UNC93A: variants seen among roughly 807,000 people sequenced by gnomAD.
UNC93A encodes N-acetylglucosamine transporter UNC93A.
Under a neutral mutation model 47.5 loss-of-function variants are expected in UNC93A, and 43 were observed. That is an observed-to-expected ratio of 0.91 (90% CI 0.71 to 1.17). The LOEUF (loss-of-function observed/expected upper bound fraction) is 1.17, where lower values mean the gene tolerates loss of function less well. Ranked by LOEUF, UNC93A falls within the 50% of genes most tolerant of loss-of-function variation. UNC93A has a pLI of 0.00. For missense variants in UNC93A, 605 were observed against 577.6 expected (o/e 1.05, Z -0.49); for synonymous variants, 280 against 258.0 (o/e 1.09, Z -0.82).
chr6:167,308,651 G>A (rs1778470951), intron 7 of UNC93A, among the ~76,000 whole-genome samples: 1 of 151,722 alleles, frequency 6.6e-6, no homozygotes, highest in Admixed American at 6.6e-5. Flanking sequence ...TGGGGGGAGT[G>A]CAGAGGAGTG....
intron 5 of UNC93A, among the ~76,000 whole-genome samples, 200 bp downstream of exon 5, chr6:167,304,333 A>G (rs998642723): frequency 1.3e-5 from 2 of 152,156 alleles, no homozygotes; most frequent in Non-Finnish European, 2.9e-5. Flanking sequence ...CTTCCAACTC[A>G]CAGGAGCTTC....
rs148794043 is a variant in UNC93A, at chr6:167,281,010, C to T, written c.-52+9552C>T. Among the ~76,000 whole-genome samples, 626 of 152,264 alleles carry T rather than the reference C, an allele frequency of 4.1e-3. 8 individuals are homozygous for T. The highest frequency in any genetic ancestry group is 0.015 in the African/African-American group (603 of 41,546). On this transcript the variant is annotated intron_variant, in intron 1 of 3. Transcript: ENST00000503433. ...CAAACAAGCAAATCAACCTATTTTTCAGAGGTTCCTTCTGAAGTTGAAATT... is the reference window on the plus strand; with the variant it reads ...CAAACAAGCAAATCAACCTATTTTTTAGAGGTTCCTTCTGAAGTTGAAATT...
intron 6 of UNC93A, 44 bp downstream of exon 6, chr6:167,306,094 G>A: frequency 6.2e-7 from 1 of 1,608,930 alleles, no homozygotes; most frequent in Non-Finnish European, 8.5e-7. Flanking sequence ...ATAACGATTT[G>A]CAGTAGCAAA....
chr6:167,289,727 A>T (rs1345174693), upstream of UNC93A, among the ~76,000 whole-genome samples: 6 of 151,592 alleles, frequency 4.0e-5, no homozygotes, highest in Non-Finnish European at 7.4e-5. Context: ...GCAATAAAAC[A>T]TCAGGAAGGT....
chr6:167,294,471 G>A (rs747851369), intron 1 of UNC93A, 46 bp from the exon 2 acceptor site: 184 of 1,603,932 alleles, frequency 1.1e-4, no homozygotes, highest in Middle Eastern at 1.7e-4. Flanking sequence ...GCCTCATCCC[G>A]CTGTGTCCAT....
intron 4 of UNC93A, among the ~76,000 whole-genome samples, chr6:167,303,227 T>C (rs965477219): frequency 6.6e-6 from 1 of 152,206 alleles, no homozygotes; most frequent in Non-Finnish European, 1.5e-5. Context: ...TTCCTAGACA[T>C]ATTTAATGCA....
At chr6:167,283,669 A>G (rs1284424036) in intron 1 of UNC93A, among the ~76,000 whole-genome samples, 2 of 152,148 alleles carry the variant, frequency 1.3e-5, no homozygotes, top group African/African-American at 4.8e-5. Context: ...TGAGTTGCGG[A>G]ACATGCCAAG....
At chr6:167,286,977 CAAAAAAAAAAAAAA>C (rs548370859), upstream of UNC93A, among the ~76,000 whole-genome samples, 2 of 109,988 alleles carry the variant, frequency 1.8e-5, no homozygotes, top group African/African-American at 3.2e-5. Context: ...GACTCTGTCT[CAAAAAAAAAAAAAA>C]AAAAAAAAAA....
chr6:167,270,335 T>A (rs1386454886), upstream of UNC93A, among the ~76,000 whole-genome samples: 1 of 152,190 alleles, frequency 6.6e-6, no homozygotes, highest in Non-Finnish European at 1.5e-5. Flanking sequence ...TAATCACCGA[T>A]GCCATCTCTT....
At chr6:167,288,383 T>C (rs548793582), upstream of UNC93A, among the ~76,000 whole-genome samples, 24 of 152,192 alleles carry the variant, frequency 1.6e-4, no homozygotes, top group African/African-American at 5.3e-4. Flanking sequence ...TAAGATGCTT[T>C]GGAACATTTG....
intron 4 of UNC93A, among the ~76,000 whole-genome samples, chr6:167,300,850 A>G (rs1290926862): frequency 6.6e-6 from 1 of 152,208 alleles, no homozygotes; most frequent in Non-Finnish European, 1.5e-5. Context: ...GGCAGCCACC[A>G]ACAAAGACTT....
At chr6:167,291,931 T>C (rs1783850653) in intron 1 of UNC93A, among the ~76,000 whole-genome samples, 1 of 152,208 alleles carries the variant, frequency 6.6e-6, no homozygotes, top group Non-Finnish European at 1.5e-5. Flanking sequence ...CCCTTGGCTT[T>C]GTGGTTAGGG....
intron 4 of UNC93A, 41 bp from the exon 5 acceptor site, chr6:167,303,877 TG>T (rs1482681807): frequency 3.1e-6 from 5 of 1,605,292 alleles, no homozygotes; most frequent in African/African-American, 1.3e-5. Flanking sequence ...ACCCTGCCTC[TG>T]GGCCCCCATG....
Position 167,303,910 on chromosome 6 carries a change from TC to T in UNC93A, c.626-7del, listed in dbSNP as rs1315988902. ...CATGAAAGCTGAAGCCTTTGCTATGTCCTTTCAGGGAGTGGTGTCCTGGCTG... is the reference window on the plus strand; with the variant it reads ...CATGAAAGCTGAAGCCTTTGCTATGTCTTTCAGGGAGTGGTGTCCTGGCTG... On this transcript the variant is annotated splice_region_variant and splice_polypyrimidine_tract_variant and intron_variant, in intron 4 of 7. Coordinates refer to ENST00000230256, the MANE Select transcript of UNC93A (RefSeq NM_018974.4). The T allele has an allele frequency of 6.2e-7, 1 of 1,613,820 alleles. No individual in the cohort carries two copies. Among genetic ancestry groups the T allele is most frequent in the Non-Finnish European group, 8.5e-7 (1 of 1,179,964 alleles).
intron 1 of UNC93A, among the ~76,000 whole-genome samples, chr6:167,282,732 T>G (rs1238302229): frequency 6.6e-6 from 1 of 152,184 alleles, no homozygotes; most frequent in Admixed American, 6.5e-5. Flanking sequence ...AGGACACAGA[T>G]CCTGAGAACA....
At chr6:167,302,266 A>G (rs12665701) in intron 4 of UNC93A, among the ~76,000 whole-genome samples, 41,620 of 152,004 alleles carry the variant, frequency 0.27, 5,760 homozygotes, top group South Asian at 0.37. Flanking sequence ...AGTCCACTGC[A>G]TGGGTCACAC....
chr6:167,284,574 G>A (rs1242288545), intron 1 of UNC93A, among the ~76,000 whole-genome samples: 5 of 152,406 alleles, frequency 3.3e-5, no homozygotes, highest in Admixed American at 6.5e-5. Flanking sequence ...CAGAGCTCAC[G>A]TTGCCCACTT....
rs568523451 is a variant in UNC93A, at chr6:167,274,927, A to C, written c.-52+3469A>C. On this transcript the variant is annotated intron_variant, in intron 1 of 3. Coordinates refer to the UNC93A transcript ENST00000503433. ...CATTCCTTGACCTTCTTCCAGACAA[A>C]TACGTCTCAGACAGGGAGAAAAAAT... Among the ~76,000 whole-genome samples, 15 of 152,272 alleles carry C rather than the reference A, an allele frequency of 9.9e-5. No homozygotes were observed. The South Asian group carries it at 3.1e-3, about 32-fold the overall frequency.
chr6:167,301,640 C>T (rs1778243825), intron 4 of UNC93A, among the ~76,000 whole-genome samples: 1 of 152,130 alleles, frequency 6.6e-6, no homozygotes, highest in Non-Finnish European at 1.5e-5. Flanking sequence ...TAATTCTGAA[C>T]AAAGGGGTGT....
Sources: allele counts gnomAD v4.1 joint callset (sites outside exome capture counted in the v4.1 genomes callset), GRCh38; gene constraint gnomAD v4.1.1; transcripts MANE v1.5; gene names NCBI Gene and HGNC (gene_info 2026-07-23, HGNC 2026-07-21).